Variants in EML1 observed in about 807,000 individuals in gnomAD.
EML1 encodes the protein EMAP like 1.
A neutral mutation model predicts 110.4 loss-of-function variants in EML1; 27 were observed. The observed-to-expected ratio is 0.24, with a 90% confidence interval of 0.18 to 0.34. EML1 has a LOEUF of 0.34. Ranked by LOEUF, EML1 falls within the 10% of genes least tolerant of loss-of-function variation. The pLI, the probability that EML1 is intolerant of heterozygous loss-of-function variation, is 1.00. For synonymous variants in EML1, 344 were observed against 385.8 expected (o/e 0.89, Z 1.27); for missense variants, 741 against 1,030.9 (o/e 0.72, Z 3.85).
chr14:99,837,560 C>CTT (rs1595362522), intron 1 of EML1, among the ~76,000 whole-genome samples: 2 of 152,158 alleles, frequency 1.3e-5, no homozygotes, highest in African/African-American at 4.8e-5. Context: ...AGAACTCAAA[C>CTT]TTTCCTTTAG....
intron 1 of EML1, among the ~76,000 whole-genome samples, chr14:99,837,193 T>G (rs1489297553): frequency 6.6e-6 from 1 of 152,114 alleles, no homozygotes; most frequent in African/African-American, 2.4e-5. Flanking sequence ...GCCCTGGACT[T>G]ACAGCCGTGT....
chr14:99,877,572 C>T (rs2059313378), intron 3 of EML1, among the ~76,000 whole-genome samples: 1 of 152,200 alleles, frequency 6.6e-6, no homozygotes, highest in African/African-American at 2.4e-5. Context: ...CCTTCCCAGG[C>T]CTCTGAGCAC....
chr14:99,924,915 C>T (rs1048698465), intron 17 of EML1, among the ~76,000 whole-genome samples: 3 of 152,192 alleles, frequency 2.0e-5, no homozygotes, highest in African/African-American at 7.2e-5. Context: ...GAACCAACTT[C>T]ACATTCCTGT....
intron 1 of EML1, among the ~76,000 whole-genome samples, chr14:99,828,805 A>G (rs1276872007): frequency 1.3e-5 from 2 of 152,240 alleles, no homozygotes; most frequent in Non-Finnish European, 2.9e-5. Flanking sequence ...AGCTGGAGAA[A>G]AGAAAATGTT....
intron 1 of EML1, among the ~76,000 whole-genome samples, chr14:99,816,093 G>T (rs1177674682): frequency 2.0e-5 from 3 of 152,198 alleles, no homozygotes; most frequent in African/African-American, 7.2e-5. Context: ...GTTGTCAGAT[G>T]AAACTCAAGG....
intron 1 of EML1, among the ~76,000 whole-genome samples, chr14:99,741,081 C>G (rs1272112703): frequency 6.6e-6 from 1 of 152,178 alleles, no homozygotes; most frequent in Non-Finnish European, 1.5e-5. Flanking sequence ...CATCAGAGAC[C>G]AGGGTTCAAA....
At chr14:99,779,178 C>T (rs2057513455) in intron 1 of EML1, among the ~76,000 whole-genome samples, 1 of 152,126 alleles carries the variant, frequency 6.6e-6, no homozygotes, top group South Asian at 2.1e-4. Flanking sequence ...GCTGAACTTC[C>T]CAATATGATA....
chr14:99,832,563 C>T (rs1161973771), intron 1 of EML1, among the ~76,000 whole-genome samples: 2 of 152,286 alleles, frequency 1.3e-5, no homozygotes, highest in Non-Finnish European at 2.9e-5. Context: ...GACCTTCTAA[C>T]GGGCGTGAGG....
intron 1 of EML1, among the ~76,000 whole-genome samples, chr14:99,802,444 G>T (rs1231624736): frequency 6.6e-6 from 1 of 152,064 alleles, no homozygotes; most frequent in Non-Finnish European, 1.5e-5. Context: ...GGGTAGAGGT[G>T]GGGGGCCATG....
chr14:99,893,675 G>A (rs531352938), intron 5 of EML1, among the ~76,000 whole-genome samples: 13 of 152,228 alleles, frequency 8.5e-5, no homozygotes, highest in African/African-American at 2.4e-4. Flanking sequence ...TCCTCCCTGC[G>A]GATGCTTTTT....
chr14:99,763,225 C>T (rs2057333226), intron 1 of EML1, among the ~76,000 whole-genome samples: 1 of 152,226 alleles, frequency 6.6e-6, no homozygotes, highest in Non-Finnish European at 1.5e-5. Flanking sequence ...CATTAAACCA[C>T]TTTCTTTTGT....
chr14:99,766,194 CTT>C (rs34008528), intron 1 of EML1, among the ~76,000 whole-genome samples: 17 of 129,836 alleles, frequency 1.3e-4, no homozygotes, highest in African/African-American at 2.3e-4. Context: ...TAAACTTTTA[CTT>C]TTTTTTTTTT....
intron 1 of EML1, among the ~76,000 whole-genome samples, chr14:99,746,373 G>A (rs1340751672): frequency 6.6e-6 from 1 of 152,194 alleles, no homozygotes; most frequent in Non-Finnish European, 1.5e-5. Context: ...AACTTTTCGG[G>A]AGGAGGGAGA....
intron 1 of EML1, among the ~76,000 whole-genome samples, chr14:99,775,776 G>A (rs1212878955): frequency 6.6e-6 from 1 of 152,212 alleles, no homozygotes; most frequent in Non-Finnish European, 1.5e-5. Context: ...GCGTGCCTAA[G>A]ATATGCATAT....
intron 1 of EML1, among the ~76,000 whole-genome samples, chr14:99,819,785 C>T (rs2058231989): frequency 6.6e-6 from 1 of 152,160 alleles, no homozygotes; most frequent in South Asian, 2.1e-4. Flanking sequence ...ACCGAGCATC[C>T]CTCAGTGAAG....
At position 99,842,987 on chromosome 14, in the gene EML1, C is replaced by T. The variant is rs780840296; in HGVS notation, c.68-7866C>T. On this transcript the variant is annotated intron_variant, in intron 1 of 21. Transcript: ENST00000262233. The stretch of plus-strand genomic sequence containing the variant: ...CAGTTCTAGGCTGGGTGTGGTGGCT[C>T]ATGCCTGTGTAATCCCAGCACTTTG... Among the ~76,000 whole-genome samples the T allele has an allele frequency of 2.5e-4, 38 of 152,190 alleles. 1 individual carries two copies. The highest frequency in any genetic ancestry group is 1.1e-3 in the Admixed American group (17 of 15,280).
chr14:99,742,037 G>A (rs2057049136), intron 1 of EML1, among the ~76,000 whole-genome samples: 1 of 152,146 alleles, frequency 6.6e-6, no homozygotes, highest in Admixed American at 6.5e-5. Context: ...CTTCGTGTGT[G>A]ACCTCAGAGA....
At chr14:99,846,339 GTGGCGC>G (rs1595372875) in intron 1 of EML1, among the ~76,000 whole-genome samples, 1 of 142,652 alleles carries the variant, frequency 7.0e-6, no homozygotes, top group East Asian at 2.1e-4. Context: ...CTGGAGTGCA[GTGGCGC>G]AATCTCGGCT....
chr14:99,835,392 A>G (rs1433255422), intron 1 of EML1, among the ~76,000 whole-genome samples: 1 of 151,512 alleles, frequency 6.6e-6, no homozygotes, highest in Non-Finnish European at 1.5e-5. Flanking sequence ...AGGTTTGCAA[A>G]TTTTATTTTC....
Sources: gnomAD v4.1 joint callset for allele counts (sites outside exome capture counted in the v4.1 genomes callset) on GRCh38, gnomAD v4.1.1 for gene constraint, MANE v1.5 for transcripts, NCBI Gene and HGNC (gene_info 2026-07-23, HGNC 2026-07-21) for gene names.